ZNF423: variants seen among roughly 807,000 people sequenced by gnomAD.
ZNF423 encodes zinc finger protein 423.
In ZNF423, 12 loss-of-function variants were observed where a neutral mutation model predicts 95.8. The ratio of observed to expected loss-of-function variants is 0.13; its 90% CI spans 0.08 to 0.20. The LOEUF is 0.20. Among genes scored for constraint, ZNF423 ranks in the 10% least tolerant of loss-of-function variants. The pLI is 1.00. For synonymous variants in ZNF423, 749 were observed against 711.9 expected (o/e 1.05, Z -0.83); for missense variants, 1,316 against 1,737.1 (o/e 0.76, Z 4.31).
At chr16:49,666,481 T>C (rs140778317) in intron 3 of ZNF423, among the ~76,000 whole-genome samples, 1 of 152,316 alleles carries the variant, frequency 6.6e-6, no homozygotes, top group African/African-American at 2.4e-5. Flanking sequence ...AAGTGAACAG[T>C]TACATACATG....
At chr16:49,644,685 A>C (rs867218741) in intron 3 of ZNF423, among the ~76,000 whole-genome samples, 2,549 of 133,752 alleles carry the variant, frequency 0.019, 142 homozygotes, top group African/African-American at 0.071. Flanking sequence ...AAAAAAAAAA[A>C]AAAAAAAAAA....
intron 1 of ZNF423, among the ~76,000 whole-genome samples, chr16:49,833,077 CCCT>C (rs2035078130): frequency 6.6e-6 from 1 of 152,228 alleles, no homozygotes; most frequent in Non-Finnish European, 1.5e-5. Context: ...AGGTGAGCAA[CCCT>C]CCTCCTCGCC....
intron 3 of ZNF423, among the ~76,000 whole-genome samples, chr16:49,676,938 C>T (rs919436738): frequency 2.0e-5 from 3 of 152,048 alleles, no homozygotes; most frequent in African/African-American, 7.2e-5. Flanking sequence ...AGAATTTAGG[C>T]CAGGCCTGGT....
intron 3 of ZNF423, among the ~76,000 whole-genome samples, chr16:49,691,823 C>T (rs962196173): frequency 6.6e-6 from 1 of 152,146 alleles, no homozygotes; most frequent in African/African-American, 2.4e-5. Context: ...ACAAGGGAAG[C>T]GCCATTATGC....
At chr16:49,664,303 G>A (rs560015482) in intron 3 of ZNF423, 19 of 985,794 alleles carry the variant, frequency 1.9e-5, no homozygotes, top group Non-Finnish European at 2.2e-5. Flanking sequence ...TGCTGCTCCC[G>A]CGGCGGCGCT....
In ZNF423 at chr16:49,637,499, C is replaced by T. The variant is rs142344079; in HGVS notation, c.1677G>A (p.Pro559=). ...CSVGSAKLES[P]VVQPTQSFME... ...TGAAGGACTGCGTGGGCTGCACCAC[C>T]GGAGACTCTAGTTTGGCACTGCCCA... Residue 559 remains proline, a synonymous_variant, in exon 4 of 8, where the codon CCG becomes CCA. Coordinates refer to ENST00000563137, the MANE Select transcript of ZNF423 (RefSeq NM_001379286.1). The surrounding 1 kb of genome is among the most constrained non-coding windows in gnomAD (Gnocchi z 5.6). 768 of 1,613,992 alleles carry T rather than the reference C, an allele frequency of 4.8e-4. 3 individuals are homozygous for T. The highest frequency in any genetic ancestry group is 3.1e-4 in the South Asian group (28 of 91,062).
intron 7 of ZNF423, among the ~76,000 whole-genome samples, chr16:49,500,311 G>A (rs1967342966): frequency 6.6e-6 from 1 of 152,182 alleles, no homozygotes; most frequent in African/African-American, 2.4e-5. Flanking sequence ...TAGCAACAGT[G>A]TGCCAGGTGA....
rs1344936827 is a variant in ZNF423, at chr16:49,603,509, A to C, written c.3601+22661T>G. Among the ~76,000 whole-genome samples the C allele has an allele frequency of 6.6e-6, 1 of 152,052 alleles. No individual in the cohort carries two copies. Among genetic ancestry groups the C allele is most frequent in the Non-Finnish European group, 1.5e-5 (1 of 68,018 alleles). ...GCTGCGACCTCCGCCTCCCGGGTTCAAGTGATTCTCCTGCCTCAGCCTCCA... is the reference window on the plus strand; with the variant it reads ...GCTGCGACCTCCGCCTCCCGGGTTCCAGTGATTCTCCTGCCTCAGCCTCCA... On this transcript the variant is annotated intron_variant, in intron 5 of 7. Coordinates refer to ENST00000563137, the MANE Select transcript of ZNF423 (RefSeq NM_001379286.1). This position sits in a 1 kb window ranked among gnomAD's most constrained non-coding sequence, Gnocchi z 4.1.
At chr16:49,507,492 C>A (rs893047183) in intron 7 of ZNF423, among the ~76,000 whole-genome samples, 3 of 52,762 alleles carry the variant, frequency 5.7e-5, no homozygotes, top group African/African-American at 2.3e-4. Context: ...AAAGATGGCG[C>A]CACAGGTCAG....
chr16:49,498,164 T>C (rs1967238414), intron 7 of ZNF423, among the ~76,000 whole-genome samples: 1 of 152,204 alleles, frequency 6.6e-6, no homozygotes, highest in Non-Finnish European at 1.5e-5. Flanking sequence ...GACACCATTC[T>C]TAACCTCCAC....
At chr16:49,843,173 C>A (rs904538037) in intron 1 of ZNF423, among the ~76,000 whole-genome samples, 3 of 151,966 alleles carry the variant, frequency 2.0e-5, no homozygotes, top group Non-Finnish European at 2.9e-5. Flanking sequence ...GGAATCCAGC[C>A]AAAGAAACAC....
At chr16:49,650,880 T>C (rs750589670) in intron 3 of ZNF423, among the ~76,000 whole-genome samples, 1 of 152,244 alleles carries the variant, frequency 6.6e-6, no homozygotes, top group African/African-American at 2.4e-5. Flanking sequence ...TAGGTCATCA[T>C]GGCTGTCCTC....
chr16:49,541,399 A>T (rs922160209), intron 5 of ZNF423, among the ~76,000 whole-genome samples: 14 of 152,356 alleles, frequency 9.2e-5, no homozygotes, highest in African/African-American at 2.9e-4. Context: ...ACACAAAACC[A>T]GGTAGTAAAC....
intron 1 of ZNF423, among the ~76,000 whole-genome samples, chr16:49,805,704 T>G (rs1439889864): frequency 6.6e-6 from 1 of 152,246 alleles, no homozygotes; most frequent in African/African-American, 2.4e-5. Flanking sequence ...ACGTTGATCA[T>G]AAACTCCACC....
At chr16:49,737,273 CTT>C (rs111245304) in intron 2 of ZNF423, among the ~76,000 whole-genome samples, 1 of 144,060 alleles carries the variant, frequency 6.9e-6, no homozygotes, top group African/African-American at 2.5e-5. Flanking sequence ...GATCCTGACT[CTT>C]TTTTTTTTTT....
At chr16:49,560,057 T>C (rs1969966195) in intron 5 of ZNF423, among the ~76,000 whole-genome samples, 1 of 152,198 alleles carries the variant, frequency 6.6e-6, no homozygotes, top group African/African-American at 2.4e-5. Flanking sequence ...GTAGAACATA[T>C]GCTCTGTATG....
chr16:49,748,282 G>A (rs2033564376), intron 2 of ZNF423, among the ~76,000 whole-genome samples: 1 of 152,162 alleles, frequency 6.6e-6, no homozygotes, highest in Admixed American at 6.5e-5. Context: ...TCTTGGACAA[G>A]CCCCATTGCT....
chr16:49,765,155 C>T (rs78435986), intron 2 of ZNF423, among the ~76,000 whole-genome samples: 4,218 of 152,126 alleles, frequency 0.028, 190 homozygotes, highest in African/African-American at 0.096. Flanking sequence ...AGAGAAGTAA[C>T]CCCATGAGCC....
In ZNF423 at chr16:49,570,049, A is replaced by G. The variant is rs146757961; in HGVS notation, c.3602-44555T>C. 1.7e-3 allele frequency among the ~76,000 whole-genome samples: 255 copies of G among 152,302 alleles called. 2 individuals are homozygous for G. The highest frequency in any genetic ancestry group is 5.2e-3 in the African/African-American group (217 of 41,556). ...TCACCTATGGAGCCTGCCTGCTCTG[A>G]GCTATGGACTATGGCTGTTAAACAA... On this transcript the variant is annotated intron_variant, in intron 5 of 7. Coordinates refer to ENST00000563137, the MANE Select transcript of ZNF423 (RefSeq NM_001379286.1).
Sources: gnomAD v4.1 joint callset for allele counts (sites outside exome capture counted in the v4.1 genomes callset) on GRCh38, gnomAD v4.1.1 for gene constraint, Gnocchi (gnomAD v3.1) non-coding constraint, MANE v1.5 for transcripts, NCBI Gene and HGNC (gene_info 2026-07-23, HGNC 2026-07-21) for gene names.